The following FAM234A variants were observed in gnomAD, a reference collection of about 807,000 sequenced individuals.
FAM234A encodes family with sequence similarity 234 member A, also known as protein FAM234A.
In FAM234A, 42 loss-of-function variants were observed where a neutral mutation model predicts 49.1. The observed-to-expected ratio is 0.86, with a 90% confidence interval of 0.67 to 1.11. The LOEUF is 1.11. Ranked by LOEUF, FAM234A falls within the 50% of genes least tolerant of loss-of-function variation. FAM234A has a pLI of 0.00. For missense variants in FAM234A, 815 were observed against 745.2 expected, an observed-to-expected ratio of 1.09 and a Z score of -1.09; for synonymous variants, 369 against 316.2, an observed-to-expected ratio of 1.17 and a Z score of -1.77.
chr16:252,152 C>T (rs959855959), intron 2 of FAM234A, among the ~76,000 whole-genome samples: 42 of 150,614 alleles, frequency 2.8e-4, no homozygotes, highest in Non-Finnish European at 4.9e-4. Context: ...CATGAGCCAC[C>T]GTGCTGGCCA....
downstream of FAM234A, chr16:268,837 A>G (rs187219600): frequency 8.2e-4 from 1,275 of 1,550,378 alleles, 10 homozygotes; most frequent in African/African-American, 0.016. Flanking sequence ...CGAGACCTGC[A>G]TGTCCGCGTC....
At position 254,700 on chromosome 16, in the gene FAM234A, G is replaced by A. The variant is rs769520024; in HGVS notation, c.268+19G>A. On this transcript the variant is annotated intron_variant, in intron 3 of 12. Coordinates refer to ENST00000399932, the MANE Select transcript of FAM234A (RefSeq NM_032039.4). Reference sequence around the variant, plus strand: ...GCCGCTGGTGAGCCTCGGCTTCCCCGCCCAGTGGGGTCCAAAGCAGCTCTT... The same window carrying A: ...GCCGCTGGTGAGCCTCGGCTTCCCCACCCAGTGGGGTCCAAAGCAGCTCTT... The A allele has an allele frequency of 6.8e-6, 11 of 1,610,954 alleles. No homozygotes were observed. The highest frequency in any genetic ancestry group is 2.7e-5 in the African/African-American group (2 of 74,726).
chr16:265,793 G>A lies in FAM234A; in HGVS notation c.*771G>A, dbSNP rs1471518539. 2.3e-5 allele frequency: 23 copies of A among 985,604 alleles called. No individual in the cohort carries two copies. Among genetic ancestry groups the A allele is most frequent in the Middle Eastern group, 5.2e-4 (1 of 1,938 alleles). 61.1% of individuals were successfully genotyped at this position (985,604 alleles called of 1,614,324 possible). ...TCCCAAGGAACTGGCTGTGGAATGC[G>A]TGTTTGGGTCAGTCTGTGCCCTCTC... On this transcript the variant is annotated 3_prime_UTR_variant, in exon 13 of 13. Coordinates refer to ENST00000399932, the MANE Select transcript of FAM234A (RefSeq NM_032039.4).
chr16:261,283 G>C, intron 5 of FAM234A, 101 bp from the exon 6 acceptor site: 1 of 1,399,566 alleles, frequency 7.1e-7, no homozygotes, highest in Non-Finnish European at 9.9e-7. Flanking sequence ...TCACGAGGGT[G>C]ATGCCTCAAC....
At chr16:240,605 C>G (rs1005437922) in intron 1 of FAM234A, among the ~76,000 whole-genome samples, 12 of 151,530 alleles carry the variant, frequency 7.9e-5, no homozygotes, top group African/African-American at 2.7e-4. Flanking sequence ...TTGGTTAAAG[C>G]GATACTCCTG....
chr16:244,948 T>G (rs1030715872), intron 1 of FAM234A, among the ~76,000 whole-genome samples: 3 of 151,614 alleles, frequency 2.0e-5, no homozygotes, highest in Non-Finnish European at 1.5e-5. Context: ...CGCCTCAGCC[T>G]CCCAACGTGC....
At chr16:263,518 C>A in intron 9 of FAM234A, 116 bp downstream of exon 9, 1 of 1,432,558 alleles carries the variant, frequency 7.0e-7, no homozygotes, top group Non-Finnish European at 9.5e-7. Context: ...CCGTGTGCTG[C>A]TGCCCGGGCT....
chr16:244,092 C>T (rs1270152008), intron 1 of FAM234A, among the ~76,000 whole-genome samples: 1 of 152,052 alleles, frequency 6.6e-6, no homozygotes, highest in African/African-American at 2.4e-5. Flanking sequence ...CCTCAGCCTC[C>T]TGAGTAGCTG....
At chr16:257,851 C>CT (rs962470096) in intron 3 of FAM234A, among the ~76,000 whole-genome samples, 33 of 148,194 alleles carry the variant, frequency 2.2e-4, no homozygotes, top group African/African-American at 5.7e-4. Context: ...CAACTTTATT[C>CT]TTTTTTTTTT....
At chr16:269,142 C>A, downstream of FAM234A, 1 of 926,082 alleles carries the variant, frequency 1.1e-6, no homozygotes, top group Admixed American at 2.0e-5. Flanking sequence ...ACTGGGCCCC[C>A]TGGGCACAAG....
At chr16:239,793 C>T (rs2050549173) in intron 1 of FAM234A, among the ~76,000 whole-genome samples, 1 of 152,102 alleles carries the variant, frequency 6.6e-6, no homozygotes, top group Non-Finnish European at 1.5e-5. Flanking sequence ...ATTGTGAGCC[C>T]TTCTCAAGTA....
chr16:238,761 G>C (rs1356992957), intron 1 of FAM234A, among the ~76,000 whole-genome samples: 1 of 78,528 alleles, frequency 1.3e-5, no homozygotes, highest in Non-Finnish European at 2.3e-5. Flanking sequence ...GTGAGACTCC[G>C]TCTCAAAAAA....
rs1305154776 is a variant in FAM234A, at chr16:254,127, C to T, written c.-33-254C>T. 26 of 431,868 alleles carry T rather than the reference C, an allele frequency of 6.0e-5. No individual in the cohort carries two copies. The East Asian group carries it at 1.2e-3, about 20-fold the overall frequency. 26.8% of individuals were successfully genotyped at this position (431,868 alleles called of 1,614,324 possible). A position where few individuals can be genotyped will look rare whatever the true frequency, so the allele number is the denominator to read the frequency against. On this transcript the variant is annotated intron_variant, in intron 2 of 12. Coordinates refer to ENST00000399932, the MANE Select transcript of FAM234A (RefSeq NM_032039.4). ...GGCAGGCAGGAAGCACCAGCGTGTTCTGGATGAAAATAGTTCCTGCCTGCT... is the reference window on the plus strand; with the variant it reads ...GGCAGGCAGGAAGCACCAGCGTGTTTTGGATGAAAATAGTTCCTGCCTGCT...
intron 1 of FAM234A, among the ~76,000 whole-genome samples, chr16:244,217 C>T (rs1463699806): frequency 2.0e-5 from 3 of 152,160 alleles, no homozygotes; most frequent in Admixed American, 2.0e-4. Context: ...ATCCACCCGC[C>T]TTGGCCTCCC....
chr16:268,277 G>A (rs766810520), downstream of FAM234A: 7 of 224,214 alleles, frequency 3.1e-5, no homozygotes, highest in South Asian at 7.5e-5. Context: ...CACATGCACC[G>A]TCACACCATA....
rs759920549 is a variant in FAM234A at position 254,730 on chromosome 16, G to A, written c.268+49G>A. The A allele has an allele frequency of 2.5e-6, 4 of 1,596,122 alleles. No homozygotes were observed. The South Asian group carries it at 3.3e-5, about 13-fold the overall frequency. On this transcript the variant is annotated intron_variant, in intron 3 of 12. Coordinates refer to ENST00000399932, the MANE Select transcript of FAM234A (RefSeq NM_032039.4). ...GTGGGGTCCAAAGCAGCTCTTCCCA[G>A]GGGATGGGGCGGAGGGGGCAGAACT...
chr16:269,428 C>A, downstream of FAM234A: 1 of 1,590,540 alleles, frequency 6.3e-7, no homozygotes, highest in Non-Finnish European at 8.6e-7. Context: ...CAGCTGGTGT[C>A]CTGCCCACCT....
chr16:240,002 C>A (rs1392236618), intron 1 of FAM234A, among the ~76,000 whole-genome samples: 3 of 152,140 alleles, frequency 2.0e-5, no homozygotes, highest in Non-Finnish European at 4.4e-5. Context: ...CTGTAAACAA[C>A]TGGACACAGT....
chr16:261,506 C>T lies in FAM234A; in HGVS notation c.700C>T (p.Arg234Trp), dbSNP rs1433014105. 7 of 1,603,540 alleles carry T rather than the reference C, an allele frequency of 4.4e-6. 1 individual carries two copies. Among genetic ancestry groups the T allele is most frequent in the Admixed American group, 1.7e-5 (1 of 58,668 alleles). Residue 234 changes from arginine (R) to tryptophan (W), a missense_variant, in exon 6 of 13, where the codon CGG (arginine) becomes TGG (tryptophan). Transcript: ENST00000399932. Reference protein sequence around the residue: ...APDLLVLTQEREEVSGHLYSG... With the variant: ...APDLLVLTQEWEEVSGHLYSG... ...AGACCTGCTGGTTCTCACCCAGGAG[C>T]GGGAGGAGGTACATCCCAGCCTGGC... is the stretch of plus-strand genomic sequence containing the variant.
Sources: gnomAD v4.1 joint callset for allele counts (sites outside exome capture counted in the v4.1 genomes callset) on GRCh38, gnomAD v4.1.1 for gene constraint, MANE v1.5 for transcripts, NCBI Gene and HGNC (gene_info 2026-07-23, HGNC 2026-07-21) for gene names.